The following SH3RF3 variants were observed in gnomAD, a reference collection of about 807,000 sequenced individuals.
SH3RF3 encodes the protein SH3 domain containing ring finger 3.
A neutral mutation model predicts 66.3 loss-of-function variants in SH3RF3; 29 were observed. That is an observed-to-expected ratio of 0.44 (90% confidence interval 0.33 to 0.60). The LOEUF (loss-of-function observed/expected upper bound fraction) is 0.60, where lower values mean the gene tolerates loss of function less well. Ranked by LOEUF, SH3RF3 falls within the 20% of genes least tolerant of loss-of-function variation. SH3RF3 has a pLI of 0.04. For synonymous variants in SH3RF3, 583 were observed against 532.0 expected (o/e 1.10, Z -1.32); for missense variants, 1,194 against 1,190.9 (o/e 1.00, Z -0.04).
intron 3 of SH3RF3, among the ~76,000 whole-genome samples, chr2:109,397,883 T>G (rs1406920428): frequency 3.3e-5 from 5 of 152,224 alleles, no homozygotes; most frequent in Non-Finnish European, 7.3e-5. Flanking sequence ...CGTCAAACTC[T>G]TCACTGCGCA....
chr2:109,145,567 CG>C (rs1418312318), intron 1 of SH3RF3, among the ~76,000 whole-genome samples: 4 of 152,280 alleles, frequency 2.6e-5, no homozygotes, highest in Non-Finnish European at 4.4e-5. Flanking sequence ...CTAGGCTGTC[CG>C]GGGGGCCTCA....
At chr2:109,235,817 C>T (rs1679633883) in intron 1 of SH3RF3, among the ~76,000 whole-genome samples, 1 of 152,212 alleles carries the variant, frequency 6.6e-6, no homozygotes, top group South Asian at 2.1e-4. Context: ...CACTCGGCAC[C>T]AGGGTGGGCC....
chr2:109,136,655 C>T (rs369244157), intron 1 of SH3RF3, among the ~76,000 whole-genome samples: 43 of 152,268 alleles, frequency 2.8e-4, no homozygotes, highest in East Asian at 7.7e-4. Context: ...AGAGTCACTG[C>T]GCTCTTGGGT....
At chr2:109,421,668 A>G (rs537814797) in intron 5 of SH3RF3, among the ~76,000 whole-genome samples, 7 of 152,206 alleles carry the variant, frequency 4.6e-5, no homozygotes, top group Non-Finnish European at 7.4e-5. Context: ...CCCCCAGGGG[A>G]GGGCACTTTC....
At chr2:109,419,073 C>T (rs1426349966) in intron 4 of SH3RF3, among the ~76,000 whole-genome samples, 2 of 152,202 alleles carry the variant, frequency 1.3e-5, no homozygotes, top group East Asian at 1.9e-4. Context: ...GACTCCCGGT[C>T]CTCTTGGCCT....
rs569509984 is a variant in SH3RF3, at chr2:109,495,477, C to CTTTTT, written c.2480+4569_2480+4573dup. On this transcript the variant is annotated intron_variant, in intron 9 of 9. Transcript: ENST00000309415. ...ATTTCATCCTGAATATCTTTCATTC[C>CTTTTT]TTTTTTTTTTTTTTTTTTTTTTTTT... 1.8e-3 allele frequency among the ~76,000 whole-genome samples: 170 copies of CTTTTT among 94,270 alleles called. 3 individuals are homozygous for CTTTTT. The highest frequency in any genetic ancestry group is 2.2e-3 in the Non-Finnish European group (108 of 49,392). 61.8% of individuals were successfully genotyped at this position (94,270 alleles called of 152,430 possible). A position where few individuals can be genotyped will look rare whatever the true frequency, so the allele number is the denominator to read the frequency against.
chr2:109,375,100 C>G (rs558032017), intron 3 of SH3RF3, among the ~76,000 whole-genome samples: 1 of 152,186 alleles, frequency 6.6e-6, no homozygotes, highest in African/African-American at 2.4e-5. Flanking sequence ...TAGAAATAAT[C>G]GTCTCTCCAC....
At chr2:109,417,855 G>A (rs1405963312) in intron 4 of SH3RF3, among the ~76,000 whole-genome samples, 3 of 152,132 alleles carry the variant, frequency 2.0e-5, no homozygotes, top group Non-Finnish European at 4.4e-5. Context: ...GGTGGCCGGC[G>A]GCATGCAGAG....
chr2:109,339,035 G>A (rs1162931103), intron 1 of SH3RF3, among the ~76,000 whole-genome samples: 6 of 152,156 alleles, frequency 3.9e-5, no homozygotes, highest in African/African-American at 9.7e-5. Flanking sequence ...AAGAGAAAAT[G>A]TATTTACTAC....
chr2:109,353,714 A>AGT (rs150502924), intron 2 of SH3RF3, among the ~76,000 whole-genome samples: 19,780 of 152,156 alleles, frequency 0.13, 1,429 homozygotes, highest in Middle Eastern at 0.24. Flanking sequence ...GATGCTGTGG[A>AGT]GTGCACTGCC....
At chr2:109,401,828 T>C (rs1676325084) in intron 4 of SH3RF3, among the ~76,000 whole-genome samples, 1 of 152,202 alleles carries the variant, frequency 6.6e-6, no homozygotes, top group South Asian at 2.1e-4. Context: ...TGCAGTCTGA[T>C]GTCTATTGGG....
intron 1 of SH3RF3, among the ~76,000 whole-genome samples, chr2:109,277,606 G>T (rs764450761): frequency 6.6e-6 from 1 of 152,124 alleles, no homozygotes; most frequent in Non-Finnish European, 1.5e-5. Flanking sequence ...GCACTCCTCC[G>T]CGTGCGTAGC....
chr2:109,263,402 G>A (rs1680406705), intron 1 of SH3RF3, among the ~76,000 whole-genome samples: 1 of 152,092 alleles, frequency 6.6e-6, no homozygotes, highest in Non-Finnish European at 1.5e-5. Context: ...TTTATAGGTA[G>A]CTTTTCTGGT....
intron 1 of SH3RF3, among the ~76,000 whole-genome samples, chr2:109,236,578 A>AT (rs1679655271): frequency 6.6e-6 from 1 of 152,212 alleles, no homozygotes. Flanking sequence ...ATGACAATGA[A>AT]TGAGGGCTTT....
intron 8 of SH3RF3, 90 bp downstream of exon 8, chr2:109,449,579 T>C: frequency 2.7e-6 from 4 of 1,469,382 alleles, no homozygotes; most frequent in Non-Finnish European, 3.6e-6. Flanking sequence ...ATTTGTGCAA[T>C]TGAAGCTAGA....
chr2:109,139,944 G>A (rs1345087757), intron 1 of SH3RF3, among the ~76,000 whole-genome samples: 1 of 152,156 alleles, frequency 6.6e-6, no homozygotes, highest in African/African-American at 2.4e-5. Context: ...CTAGGCAGAT[G>A]GAGGCTGTTT....
intron 2 of SH3RF3, among the ~76,000 whole-genome samples, chr2:109,360,063 C>CAA (rs35020112): frequency 7.4e-6 from 1 of 135,150 alleles, no homozygotes; most frequent in Admixed American, 7.6e-5. Context: ...TTCCTTGCAC[C>CAA]AAAAAAAAAA....
chr2:109,395,928 A>G (rs939221539), intron 3 of SH3RF3, among the ~76,000 whole-genome samples: 10 of 152,242 alleles, frequency 6.6e-5, no homozygotes, highest in African/African-American at 2.4e-4. Flanking sequence ...AGGAGGACTA[A>G]GTGAAACACT....
chr2:109,232,791 C>G (rs1679544494), intron 1 of SH3RF3, among the ~76,000 whole-genome samples: 1 of 152,194 alleles, frequency 6.6e-6, no homozygotes, highest in Non-Finnish European at 1.5e-5. Flanking sequence ...CTAAACACAG[C>G]TGAGACTTCC....
Sources: gnomAD v4.1 joint callset for allele counts (sites outside exome capture counted in the v4.1 genomes callset) on GRCh38, gnomAD v4.1.1 for gene constraint, MANE v1.5 for transcripts, NCBI Gene and HGNC (gene_info 2026-07-23, HGNC 2026-07-21) for gene names.